EVA1A: variants seen among roughly 807,000 people sequenced by gnomAD.
EVA1A encodes protein eva-1 homolog A.
EVA1A carries 7 observed loss-of-function variants against 9.8 expected under a neutral mutation model. That is an observed-to-expected ratio of 0.71 (90% confidence interval 0.41 to 1.34). EVA1A has a LOEUF of 1.34. Among genes scored for constraint, EVA1A ranks in the 40% most tolerant of loss-of-function variants. The pLI is 0.01. For synonymous variants in EVA1A, 90 were observed against 85.6 expected (o/e 1.05, Z -0.28); for missense variants, 206 against 205.9 (o/e 1.00, Z 0.00).
In EVA1A at chr2:75,500,083, C is replaced by T. The variant is rs78548109; in HGVS notation, c.86-6474G>A. On this transcript the variant is annotated intron_variant, in intron 3 of 3. Coordinates refer to ENST00000393913, the MANE Select transcript of EVA1A (RefSeq NM_001135032.2). Reference sequence around the variant, plus strand: ...AAAGTCAAACCCTTCCCCCACCCCACATCCCATCTTACTATGGTGCACTGC... The same window carrying T: ...AAAGTCAAACCCTTCCCCCACCCCATATCCCATCTTACTATGGTGCACTGC... 4.5e-3 allele frequency among the ~76,000 whole-genome samples: 687 copies of T among 152,306 alleles called. 6 individuals are homozygous for T. Among genetic ancestry groups the T allele is most frequent in the African/African-American group, 0.016 (648 of 41,548 alleles).
At chr2:75,531,746 T>C (rs758459662) in intron 1 of EVA1A, among the ~76,000 whole-genome samples, 4 of 151,922 alleles carry the variant, frequency 2.6e-5, no homozygotes, top group Non-Finnish European at 5.9e-5. Flanking sequence ...TACAGTGCAG[T>C]TTGGGGACTT....
In EVA1A at chr2:75,493,559, GC is replaced by G. The variant is rs776562410; in HGVS notation, c.135del (p.Leu46TrpfsTer3). 1.1e-5 allele frequency: 17 copies of G among 1,613,868 alleles called. No homozygotes were observed. The highest frequency in any genetic ancestry group is 1.4e-5 in the Non-Finnish European group (17 of 1,179,898). On this transcript the variant is annotated frameshift_variant, in exon 4 of 4. Transcript: ENST00000393913. LOFTEE classifies it high-confidence loss of function. Reference sequence around the variant, plus strand: ...ACCAGAGCAGCCAGGGTCAGCACCAGCCCGATGCACACGCCAGAAACAAAGT... The same window carrying G: ...ACCAGAGCAGCCAGGGTCAGCACCAGCCGATGCACACGCCAGAAACAAAGT... ...ALYFVSGVCI[G>X]LVLTLAALVI...
intron 1 of EVA1A, among the ~76,000 whole-genome samples, chr2:75,546,907 C>CAAAAAAAA (rs751386318): frequency 1.5e-5 from 1 of 66,876 alleles, no homozygotes; most frequent in Non-Finnish European, 3.2e-5. Flanking sequence ...ATCAATAGGC[C>CAAAAAAAA]AAAAAAAAAA....
At chr2:75,518,678 C>G in intron 2 of EVA1A, 1 of 987,624 alleles carries the variant, frequency 1.0e-6, no homozygotes, top group Non-Finnish European at 1.2e-6. Flanking sequence ...CCCTGGTTCA[C>G]CTTTGAGGCA....
At chr2:75,509,694 T>G (rs1368661076) in intron 3 of EVA1A, among the ~76,000 whole-genome samples, 1 of 152,164 alleles carries the variant, frequency 6.6e-6, no homozygotes, top group Admixed American at 6.5e-5. Flanking sequence ...ATCTGTACTT[T>G]GTTAGAAATA....
At chr2:75,557,134 G>GA (rs1676740895) in intron 1 of EVA1A, among the ~76,000 whole-genome samples, 1 of 152,204 alleles carries the variant, frequency 6.6e-6, no homozygotes, top group Admixed American at 6.5e-5. Flanking sequence ...AACTCAGGGG[G>GA]ATTACAGCTG....
chr2:75,517,716 T>C, intron 3 of EVA1A: 1 of 697,678 alleles, frequency 1.4e-6, no homozygotes, highest in African/African-American at 1.8e-5. Flanking sequence ...CTGCATAGAA[T>C]AACCAGGCTG....
intron 1 of EVA1A, among the ~76,000 whole-genome samples, chr2:75,547,625 T>C (rs528470625): frequency 6.6e-6 from 1 of 152,192 alleles, no homozygotes; most frequent in Non-Finnish European, 1.5e-5. Context: ...CAACTAGACA[T>C]GTTCTCATCA....
At chr2:75,507,627 C>T (rs1674662526) in intron 3 of EVA1A, among the ~76,000 whole-genome samples, 1 of 152,156 alleles carries the variant, frequency 6.6e-6, no homozygotes, top group African/African-American at 2.4e-5. Flanking sequence ...TATAGGGGCC[C>T]TCTATGACAC....
chr2:75,503,751 T>C (rs1467357098), intron 3 of EVA1A, among the ~76,000 whole-genome samples: 1 of 152,052 alleles, frequency 6.6e-6, no homozygotes, highest in East Asian at 1.9e-4. Context: ...GAAAGACAGA[T>C]AACAGGCTGG....
intron 2 of EVA1A, chr2:75,518,730 T>C: frequency 1.0e-6 from 1 of 986,880 alleles, no homozygotes; most frequent in Non-Finnish European, 1.2e-6. Flanking sequence ...CATCACTGCG[T>C]TTTAACTACA....
Position 75,493,533 on chromosome 2 carries a change from C to A in EVA1A, c.162G>T (p.Val54=), listed in dbSNP as rs371937937. 3.5e-5 allele frequency: 57 copies of A among 1,614,070 alleles called. No homozygotes were observed. The highest frequency in any genetic ancestry group is 5.9e-6 in the Non-Finnish European group (7 of 1,180,034). Residue 54 remains valine (V), a synonymous_variant, in exon 4 of 4, where the codon GTG becomes GTT. Coordinates refer to ENST00000393913, the MANE Select transcript of EVA1A (RefSeq NM_001135032.2). ...IGLVLTLAAL[V]IRISCHTDCR... Reference sequence around the variant, plus strand: ...AGTCTGTGTGGCAAGAGATCCTTATCACCAGAGCAGCCAGGGTCAGCACCA... The same window carrying A: ...AGTCTGTGTGGCAAGAGATCCTTATAACCAGAGCAGCCAGGGTCAGCACCA...
chr2:75,535,425 A>G (rs1675846398), intron 1 of EVA1A, among the ~76,000 whole-genome samples: 1 of 152,344 alleles, frequency 6.6e-6, no homozygotes, highest in South Asian at 2.1e-4. Flanking sequence ...TTGATGAAGC[A>G]ATCCCACTAC....
At chr2:75,499,817 G>A (rs2103782008) in intron 3 of EVA1A, among the ~76,000 whole-genome samples, 1 of 152,216 alleles carries the variant, frequency 6.6e-6, no homozygotes, top group African/African-American at 2.4e-5. Context: ...AGTCCCTGTT[G>A]GTCTAAAAGG....
chr2:75,545,649 G>A (rs956251067), intron 1 of EVA1A, among the ~76,000 whole-genome samples: 4 of 151,778 alleles, frequency 2.6e-5, no homozygotes, highest in African/African-American at 4.8e-5. Flanking sequence ...GGAGGCTAAA[G>A]GGAAAGTGCA....
At chr2:75,563,705 C>G (rs1191851164), upstream of EVA1A, among the ~76,000 whole-genome samples, 1 of 152,248 alleles carries the variant, frequency 6.6e-6, no homozygotes, top group Non-Finnish European at 1.5e-5. Context: ...TTGTTCCTGT[C>G]TACCACCTCT....
At chr2:75,520,168 C>T (rs920946484) in intron 2 of EVA1A, among the ~76,000 whole-genome samples, 6 of 152,080 alleles carry the variant, frequency 3.9e-5, no homozygotes, top group East Asian at 1.9e-4. Context: ...ACTTTTAGTT[C>T]CCCCAAGTAG....
chr2:75,521,091 T>C (rs111858217), intron 2 of EVA1A, among the ~76,000 whole-genome samples: 26 of 152,230 alleles, frequency 1.7e-4, no homozygotes, highest in South Asian at 1.2e-3. Context: ...AAGTAGTCAA[T>C]AGGCACATGA....
intron 1 of EVA1A, among the ~76,000 whole-genome samples, chr2:75,529,316 C>T (rs1460888565): frequency 2.6e-5 from 4 of 152,142 alleles, no homozygotes; most frequent in Non-Finnish European, 4.4e-5. Flanking sequence ...TTTAATACCC[C>T]ACTGACAGCA....
Sources: gnomAD v4.1 joint callset for allele counts (sites outside exome capture counted in the v4.1 genomes callset) on GRCh38, gnomAD v4.1.1 for gene constraint, MANE v1.5 for transcripts, NCBI Gene and HGNC (gene_info 2026-07-23, HGNC 2026-07-21) for gene names.